SYNPO2: variants seen among roughly 807,000 people sequenced by gnomAD.
The protein encoded by SYNPO2 is synaptopodin 2.
SYNPO2 carries 56 observed loss-of-function variants against 85.0 expected under a neutral mutation model. That is an observed-to-expected ratio of 0.66 (90% CI 0.53 to 0.82). SYNPO2 has a LOEUF of 0.82. SYNPO2 is among the 40% of genes least tolerant of loss of function. SYNPO2 has a pLI of 0.00. For missense variants in SYNPO2, 1,575 were observed against 1,534.2 expected, an observed-to-expected ratio of 1.03 and a Z score of -0.44; for synonymous variants, 602 against 591.1, an observed-to-expected ratio of 1.02 and a Z score of -0.27.
At chr4:118,872,130 T>G (rs1468898280) in intron 1 of SYNPO2, among the ~76,000 whole-genome samples, 1 of 152,246 alleles carries the variant, frequency 6.6e-6, no homozygotes, top group Non-Finnish European at 1.5e-5. Context: ...TTTTTTTTCT[T>G]TGCGTAAATG....
chr4:119,044,836 G>C (rs966789570), intron 4 of SYNPO2, among the ~76,000 whole-genome samples: 1 of 152,192 alleles, frequency 6.6e-6, no homozygotes, highest in Non-Finnish European at 1.5e-5. Context: ...GGCCAACTCA[G>C]TCATTTTCCT....
At chr4:118,850,932 G>T in exon 1 of SYNPO2, 2 of 398,590 alleles carry the variant, frequency 5.0e-6, no homozygotes, top group Non-Finnish European at 8.8e-6. Flanking sequence ...AAGAGGAATG[G>T]TTACACAGGT....
In SYNPO2 at chr4:119,022,428, C is replaced by T. The variant is rs540792174; in HGVS notation, c.106-1002C>T. Among the ~76,000 whole-genome samples the T allele has an allele frequency of 2.6e-3, 393 of 150,490 alleles. 1 individual carries two copies. Among genetic ancestry groups the T allele is most frequent in the African/African-American group, 9.2e-3 (377 of 40,966 alleles). Reference sequence around the variant, plus strand: ...GCTCACTGCAACCTCCACCTCCTGGCTCAAACAATCCTCCCACTTCTCCTG... The same window carrying T: ...GCTCACTGCAACCTCCACCTCCTGGTTCAAACAATCCTCCCACTTCTCCTG... On this transcript the variant is annotated intron_variant, in intron 1 of 4. Transcript: ENST00000307142.
chr4:118,936,329 T>C (rs941334245), intron 1 of SYNPO2, among the ~76,000 whole-genome samples: 1 of 152,210 alleles, frequency 6.6e-6, no homozygotes, highest in Non-Finnish European at 1.5e-5. Context: ...ATTTAATGTA[T>C]TTAATATTTA....
rs1471533477 is a variant in SYNPO2, at chr4:118,972,821, T to C, written c.106-50609T>C. The stretch of plus-strand genomic sequence containing the variant: ...AAAGTTCAGTTTACTTTTCATCACA[T>C]AGTGAGTGCTTAATAATTTCAGTGT... On this transcript the variant is annotated intron_variant, in intron 1 of 4. Coordinates refer to ENST00000307142, the MANE Select transcript of SYNPO2 (RefSeq NM_133477.3). Among the ~76,000 whole-genome samples, 3 of 152,318 alleles carry C rather than the reference T, an allele frequency of 2.0e-5. No homozygotes were observed. In the East Asian group the frequency reaches 5.8e-4, roughly 29 times the overall value.
At chr4:119,027,459 C>T (rs374004428) in intron 3 of SYNPO2, 21 bp downstream of exon 3, 42 of 1,557,454 alleles carry the variant, frequency 2.7e-5, no homozygotes, top group Non-Finnish European at 3.4e-5. Context: ...CCTGGGCTTT[C>T]AGAAGGGGCT....
chr4:118,981,554 G>A (rs1475336787), intron 1 of SYNPO2, among the ~76,000 whole-genome samples: 1 of 152,138 alleles, frequency 6.6e-6, no homozygotes, highest in African/African-American at 2.4e-5. Context: ...CCCTGAATGC[G>A]TTGTCTCCAT....
chr4:118,993,633 A>T (rs1736485770), intron 1 of SYNPO2, among the ~76,000 whole-genome samples: 1 of 151,882 alleles, frequency 6.6e-6, no homozygotes, highest in Admixed American at 6.6e-5. Flanking sequence ...TAGACTACAG[A>T]CTCCCATGAT....
At chr4:118,946,016 TTA>T (rs920448331) in intron 1 of SYNPO2, among the ~76,000 whole-genome samples, 203 of 152,294 alleles carry the variant, frequency 1.3e-3, no homozygotes, top group African/African-American at 4.6e-3. Context: ...AGTGCTGGGA[TTA>T]TAGGCGTGAG....
chr4:119,051,186 A>ATTTT lies in SYNPO2; in HGVS notation c.3253-6197_3253-6194dup, dbSNP rs369864760. Among the ~76,000 whole-genome samples the ATTTT allele has an allele frequency of 1.7e-4, 17 of 100,690 alleles. 3 individuals are homozygous for ATTTT. The highest frequency in any genetic ancestry group is 3.6e-4 in the South Asian group (1 of 2,770). The allele number at this position is 100,690 out of a possible 152,430, so 66.1% of individuals were successfully genotyped here. On this transcript the variant is annotated intron_variant, in intron 4 of 4. Coordinates refer to ENST00000307142, the MANE Select transcript of SYNPO2 (RefSeq NM_133477.3). Reference sequence around the variant, plus strand: ...CACTGGGGTAAAGCCATGGGAAGCAATTTTTTTTTTTTTTTTTTTTTGAGA... The same window carrying ATTTT: ...CACTGGGGTAAAGCCATGGGAAGCAATTTTTTTTTTTTTTTTTTTTTTTTTGAGA...
At chr4:118,900,741 G>GTCTGTCTA (rs371824212) in intron 1 of SYNPO2, among the ~76,000 whole-genome samples, 24 of 86,284 alleles carry the variant, frequency 2.8e-4, no homozygotes, top group African/African-American at 8.3e-4. Flanking sequence ...ATGTCTGTCT[G>GTCTGTCTA]TCTATCTATC....
chr4:119,057,317 G>C (rs1410459446), intron 4 of SYNPO2, 84 bp from the exon 5 acceptor site: 2 of 1,322,250 alleles, frequency 1.5e-6, no homozygotes, highest in African/African-American at 1.5e-5. Context: ...TGCAGTGCTT[G>C]GTAATGGTGC....
At chr4:118,880,230 A>G (rs1423856653) in intron 1 of SYNPO2, among the ~76,000 whole-genome samples, 1 of 152,204 alleles carries the variant, frequency 6.6e-6, no homozygotes, top group Non-Finnish European at 1.5e-5. Flanking sequence ...CTGTCTGGTC[A>G]TTTTATATAC....
chr4:118,850,985 A>G (rs984750874), intron 1 of SYNPO2: 8 of 398,590 alleles, frequency 2.0e-5, no homozygotes, highest in Admixed American at 1.3e-4. Flanking sequence ...TTATATTTCA[A>G]TCACCTGAAC....
In SYNPO2 at chr4:119,027,393, G is replaced by C; in HGVS notation, c.1024G>C (p.Glu342Gln). The change falls in exon 3 of 5, where the codon GAA becomes CAA. Residue 342 changes from glutamate (E) to glutamine (Q), a missense_variant. Coordinates refer to ENST00000307142, the MANE Select transcript of SYNPO2 (RefSeq NM_133477.3). ...AGAGCAGGGAGAAGATCCACGCTCG[G>C]AAAAAGATCACAGCAGACCTCACAA... ...GTEQGEDPRSEKDHSRPHKHR... is the reference protein window; with the variant it reads ...GTEQGEDPRSQKDHSRPHKHR... The C allele has an allele frequency of 1.9e-6, 3 of 1,612,366 alleles. No individual in the cohort carries two copies. The highest frequency in any genetic ancestry group is 2.5e-6 in the Non-Finnish European group (3 of 1,179,380).
Position 119,031,131 on chromosome 4 carries a change from C to T in SYNPO2, c.2356C>T (p.Pro786Ser). The T allele has an allele frequency of 1.2e-6, 2 of 1,614,092 alleles. No individual in the cohort carries two copies. The highest frequency in any genetic ancestry group is 1.7e-6 in the Non-Finnish European group (2 of 1,180,008). The part of the protein sequence containing the change: ...VSPVWSPGVA[P>S]TQPPAFPTSN... ...CCCAGTCTGGTCTCCAGGAGTGGCT[C>T]CCACCCAACCTCCTGCCTTCCCCAC... Residue 786 changes from proline (P) to serine (S), a missense_variant, in exon 4 of 5, where the codon CCC becomes TCC. Around this residue, in one of 3 missense-constraint regions of SYNPO2, gnomAD observed 1,508 missense variants for 1,446.8 expected, o/e 1.04. Coordinates refer to ENST00000307142, the MANE Select transcript of SYNPO2 (RefSeq NM_133477.3).
In SYNPO2 at chr4:118,922,292, C is replaced by A. The variant is rs555558820; in HGVS notation, c.105+33151C>A. On this transcript the variant is annotated intron_variant, in intron 1 of 4. Coordinates refer to ENST00000307142, the MANE Select transcript of SYNPO2 (RefSeq NM_133477.3). ...GTTGTCTAAAGTAGATGTACGTCTGCATGATAGGGTTATTTCTTTCCCTGA... is the reference window on the plus strand; with the variant it reads ...GTTGTCTAAAGTAGATGTACGTCTGAATGATAGGGTTATTTCTTTCCCTGA... Among the ~76,000 whole-genome samples, 4 of 152,152 alleles carry A rather than the reference C, an allele frequency of 2.6e-5. No individual in the cohort carries two copies. In the East Asian group the frequency reaches 7.7e-4, roughly 29 times the overall value.
intron 1 of SYNPO2, among the ~76,000 whole-genome samples, chr4:118,914,273 A>G (rs1226237473): frequency 6.6e-6 from 1 of 152,196 alleles, no homozygotes; most frequent in Non-Finnish European, 1.5e-5. Flanking sequence ...TTAATGCAGA[A>G]TTAAGAGTAT....
intron 1 of SYNPO2, among the ~76,000 whole-genome samples, chr4:119,004,383 C>T (rs899852327): frequency 6.8e-6 from 1 of 147,224 alleles, no homozygotes; most frequent in Non-Finnish European, 1.5e-5. Context: ...CCCCTACCCC[C>T]ACCCCACAAC....
Sources: allele counts gnomAD v4.1 joint callset (sites outside exome capture counted in the v4.1 genomes callset), GRCh38; gene constraint gnomAD v4.1.1; regional missense constraint gnomAD v4.1.1; transcripts MANE v1.5; gene names NCBI Gene and HGNC (gene_info 2026-07-23, HGNC 2026-07-21).